The following OTUD7A variants were observed in gnomAD, a reference collection of about 807,000 sequenced individuals.
The protein encoded by OTUD7A is OTU domain-containing protein 7A.
In OTUD7A, 12 loss-of-function variants were observed where a neutral mutation model predicts 65.7. The observed-to-expected ratio is 0.18, with a 90% CI of 0.12 to 0.30. The LOEUF (loss-of-function observed/expected upper bound fraction) is 0.30, where lower values mean the gene tolerates loss of function less well. OTUD7A is among the 10% of genes least tolerant of loss of function. The pLI is 1.00. For missense variants in OTUD7A, 1,148 were observed against 1,304.8 expected (o/e 0.88, Z 1.85); for synonymous variants, 641 against 586.3 (o/e 1.09, Z -1.35).
At chr15:31,582,056 C>T (rs1889389008) in intron 3 of OTUD7A, among the ~76,000 whole-genome samples, 1 of 152,180 alleles carries the variant, frequency 6.6e-6, no homozygotes, top group Non-Finnish European at 1.5e-5. Context: ...TGCTTTGCTA[C>T]TCAGAAATTT....
intron 5 of OTUD7A, among the ~76,000 whole-genome samples, chr15:31,555,628 C>T (rs1162446767): frequency 6.6e-6 from 1 of 152,158 alleles, no homozygotes; most frequent in African/African-American, 2.4e-5. Flanking sequence ...GTGGGAGACC[C>T]TTTAGCACTG....
chr15:31,760,239 C>T (rs1032387220), intron 1 of OTUD7A, among the ~76,000 whole-genome samples: 6 of 152,146 alleles, frequency 3.9e-5, no homozygotes, highest in African/African-American at 1.2e-4. Context: ...ACCCTCCTCA[C>T]CTGCTAAAAG....
At chr15:31,759,546 G>A (rs973919003) in intron 1 of OTUD7A, among the ~76,000 whole-genome samples, 3 of 152,096 alleles carry the variant, frequency 2.0e-5, no homozygotes, top group African/African-American at 7.2e-5. Context: ...TTGCCTTTTC[G>A]TTTTTGAGAT....
At position 31,619,565 on chromosome 15, in the gene OTUD7A, C is replaced by G. The variant is rs539778380; in HGVS notation, c.151+35531G>C. ...ATGGGAGTTCACTCATGATTTGGCTCTCTGTCTGTTATTGGTGCATAAGAA... is the reference window on the plus strand; with the variant it reads ...ATGGGAGTTCACTCATGATTTGGCTGTCTGTCTGTTATTGGTGCATAAGAA... On this transcript the variant is annotated intron_variant, in intron 3 of 12. Transcript: ENST00000307050. 8.2e-4 allele frequency among the ~76,000 whole-genome samples: 37 copies of G among 44,880 alleles called. No homozygotes were observed. The East Asian group carries it at 0.011, about 13-fold the overall frequency. The allele number at this position is 44,880 out of a possible 152,430, so 29.4% of individuals were successfully genotyped here.
At chr15:31,507,679 C>G (rs1320443403) in intron 8 of OTUD7A, among the ~76,000 whole-genome samples, 2 of 152,042 alleles carry the variant, frequency 1.3e-5, no homozygotes, top group Non-Finnish European at 2.9e-5. Context: ...TGGCCCCTCC[C>G]ATGTTCCATT....
chr15:31,805,694 G>C (rs1433532198), intron 1 of OTUD7A, among the ~76,000 whole-genome samples: 2 of 152,184 alleles, frequency 1.3e-5, no homozygotes, highest in Non-Finnish European at 2.9e-5. Context: ...AGGGCAGGAG[G>C]AGAAGGTGTG....
intron 3 of OTUD7A, among the ~76,000 whole-genome samples, chr15:31,580,979 A>G (rs1889354236): frequency 6.6e-6 from 1 of 152,200 alleles, no homozygotes. Flanking sequence ...TCCACAGTCC[A>G]AAGTCTCGAG....
chr15:31,786,408 G>A (rs1895675835), intron 1 of OTUD7A, among the ~76,000 whole-genome samples: 1 of 152,220 alleles, frequency 6.6e-6, no homozygotes, highest in Admixed American at 6.5e-5. Flanking sequence ...AGGCAAAGAG[G>A]CCAGGAATGT....
intron 1 of OTUD7A, among the ~76,000 whole-genome samples, chr15:31,664,927 C>T (rs1331126998): frequency 1.3e-5 from 2 of 152,176 alleles, no homozygotes; most frequent in Admixed American, 6.5e-5. Flanking sequence ...CCTTTCCCTA[C>T]TTTATGTTTT....
intron 8 of OTUD7A, among the ~76,000 whole-genome samples, chr15:31,516,216 A>G (rs1182817897): frequency 2.0e-5 from 3 of 152,236 alleles, no homozygotes; most frequent in African/African-American, 7.2e-5. Context: ...TTGTACTGGC[A>G]TGGCATTCTT....
chr15:31,728,154 C>T (rs1403830422), intron 1 of OTUD7A, among the ~76,000 whole-genome samples: 1 of 152,176 alleles, frequency 6.6e-6, no homozygotes, highest in Non-Finnish European at 1.5e-5. Context: ...GCTTCTCCTC[C>T]AATTTTCCTG....
At chr15:31,515,176 C>A (rs1434652970) in intron 8 of OTUD7A, among the ~76,000 whole-genome samples, 6 of 152,118 alleles carry the variant, frequency 3.9e-5, no homozygotes, top group Non-Finnish European at 8.8e-5. Flanking sequence ...TTCCCTAATT[C>A]AAGGAATGGA....
rs1046112570 is a variant in OTUD7A, at chr15:31,607,338, A to G, written c.152-37141T>C. ...CTTTTGGCTGGGAACTTGAAGGGCTATACCCCAAGAGTGAGAGTAAACTAA... is the reference window on the plus strand; with the variant it reads ...CTTTTGGCTGGGAACTTGAAGGGCTGTACCCCAAGAGTGAGAGTAAACTAA... On this transcript the variant is annotated intron_variant, in intron 3 of 12. Transcript: ENST00000307050. Among the ~76,000 whole-genome samples the G allele has an allele frequency of 2.0e-5, 3 of 152,170 alleles. No individual in the cohort carries two copies. In the South Asian group the frequency reaches 6.2e-4, roughly 32 times the overall value.
chr15:31,557,530 C>A (rs1426188018), intron 5 of OTUD7A: 1 of 152,214 alleles, frequency 6.6e-6, no homozygotes, highest in African/African-American at 2.4e-5. Context: ...ATTTCCCCAG[C>A]ATCTTCTCTC....
chr15:31,618,649 G>C (rs560339677), intron 3 of OTUD7A, among the ~76,000 whole-genome samples: 1 of 151,946 alleles, frequency 6.6e-6, no homozygotes, highest in Non-Finnish European at 1.5e-5. Context: ...AAATTTGTTC[G>C]AGTTCTTTGT....
intron 4 of OTUD7A, among the ~76,000 whole-genome samples, chr15:31,562,188 G>A: frequency 6.6e-6 from 1 of 152,150 alleles, no homozygotes; most frequent in East Asian, 1.9e-4. Flanking sequence ...TGACTGGGGA[G>A]AGGCTGCCCC....
Position 31,801,053 on chromosome 15 carries a change from C to CAAAAAA in OTUD7A, c.-100+69448_-100+69453dup, listed in dbSNP as rs772401103. On this transcript the variant is annotated intron_variant, in intron 1 of 12. Transcript: ENST00000307050. ...AATGTAGAGCATTATCCAGCAGCCT[C>CAAAAAA]AAAAAAAAAAAAAAAAAAAAGCAGA... is the stretch of plus-strand genomic sequence containing the variant. Among the ~76,000 whole-genome samples the CAAAAAA allele has an allele frequency of 3.3e-5, 3 of 91,348 alleles. 1 individual carries two copies. Among genetic ancestry groups the CAAAAAA allele is most frequent in the Non-Finnish European group, 7.0e-5 (3 of 42,748 alleles). 59.9% of individuals were successfully genotyped at this position (91,348 alleles called of 152,430 possible).
chr15:31,739,799 T>C (rs1894290412), intron 1 of OTUD7A, among the ~76,000 whole-genome samples: 1 of 152,204 alleles, frequency 6.6e-6, no homozygotes, highest in Admixed American at 6.5e-5. Flanking sequence ...CTTGAACTCC[T>C]GGCCACAAGT....
chr15:31,487,646 A>G lies in OTUD7A; in HGVS notation c.1172-80T>C, dbSNP rs2041257691. On this transcript the variant is annotated intron_variant, in intron 10 of 12. Coordinates refer to ENST00000307050, the MANE Select transcript of OTUD7A (RefSeq NM_001382637.1). The surrounding 1 kb of genome is among the most constrained non-coding windows in gnomAD (Gnocchi z 6.0). ...TGGCAAGGAAATTCCCAAGCCAGGTATCTGGGTGACAAATGCACCGAGTGG... is the reference window on the plus strand; with the variant it reads ...TGGCAAGGAAATTCCCAAGCCAGGTGTCTGGGTGACAAATGCACCGAGTGG... The G allele has an allele frequency of 8.6e-7, 1 of 1,163,052 alleles. No individual in the cohort carries two copies. 72.0% of individuals were successfully genotyped at this position (1,163,052 alleles called of 1,614,324 possible).
Sources: gnomAD v4.1 joint callset for allele counts (sites outside exome capture counted in the v4.1 genomes callset) on GRCh38, gnomAD v4.1.1 for gene constraint, Gnocchi (gnomAD v3.1) non-coding constraint, MANE v1.5 for transcripts, NCBI Gene and HGNC (gene_info 2026-07-23, HGNC 2026-07-21) for gene names.